The following FER variants were observed in gnomAD, a reference collection of about 807,000 sequenced individuals.
FER encodes FER tyrosine kinase.
Under a neutral mutation model 111.0 loss-of-function variants are expected in FER, and 63 were observed. The ratio of observed to expected loss-of-function variants is 0.57; its 90% CI spans 0.46 to 0.70. FER has a LOEUF of 0.70. Ranked by LOEUF, FER falls within the 30% of genes least tolerant of loss-of-function variation. FER has a pLI of 0.00. For synonymous variants in FER, 327 were observed against 313.9 expected, an observed-to-expected ratio of 1.04 and a Z score of -0.44; for missense variants, 914 against 954.0, an observed-to-expected ratio of 0.96 and a Z score of 0.55.
chr5:108,931,067 C>T (rs908779852), intron 10 of FER, among the ~76,000 whole-genome samples: 8 of 152,100 alleles, frequency 5.3e-5, no homozygotes, highest in African/African-American at 1.9e-4. Flanking sequence ...AGTTATTTAA[C>T]CACTCTAGGC....
intron 8 of FER, among the ~76,000 whole-genome samples, chr5:108,880,085 C>T (rs886814146): frequency 6.6e-6 from 1 of 152,018 alleles, no homozygotes; most frequent in South Asian, 2.1e-4. Context: ...ATGTAAGTTT[C>T]CTGAAGGCAA....
chr5:109,115,109 A>C (rs907948320), intron 17 of FER, among the ~76,000 whole-genome samples: 5 of 152,124 alleles, frequency 3.3e-5, no homozygotes, highest in African/African-American at 1.2e-4. Flanking sequence ...TTATAAAAGT[A>C]ATTATTTTAT....
chr5:109,005,678 G>T (rs911306224), intron 13 of FER, among the ~76,000 whole-genome samples: 2 of 152,210 alleles, frequency 1.3e-5, no homozygotes, highest in Admixed American at 1.3e-4. Context: ...GGTAACACTT[G>T]TTTTAGATAC....
chr5:108,750,050 G>A (rs1238077206), intron 1 of FER, among the ~76,000 whole-genome samples: 1 of 152,090 alleles, frequency 6.6e-6, no homozygotes, highest in Non-Finnish European at 1.5e-5. Context: ...CAGAAGTTGC[G>A]TATATTAATG....
At chr5:109,064,136 A>G (rs1774793545) in intron 16 of FER, among the ~76,000 whole-genome samples, 1 of 152,208 alleles carries the variant, frequency 6.6e-6, no homozygotes, top group Non-Finnish European at 1.5e-5. Flanking sequence ...CCCAAAGCAA[A>G]TACAGATGGA....
Position 108,754,225 on chromosome 5 carries a change from A to G in FER, c.-206+6225A>G, listed in dbSNP as rs77673818. 8.5e-4 allele frequency among the ~76,000 whole-genome samples: 129 copies of G among 152,160 alleles called. 2 individuals carry two copies. The East Asian group carries it at 0.021, about 25-fold the overall frequency. On this transcript the variant is annotated intron_variant, in intron 1 of 19. Coordinates refer to ENST00000281092, the MANE Select transcript of FER (RefSeq NM_005246.4). ...TAGAAGTTTGAGAGCAGCCTGGGTAACATAACGAGACGGCACTCTACAAAA... is the reference window on the plus strand; with the variant it reads ...TAGAAGTTTGAGAGCAGCCTGGGTAGCATAACGAGACGGCACTCTACAAAA...
chr5:108,881,261 A>C (rs142361653), intron 8 of FER, among the ~76,000 whole-genome samples: 1 of 152,310 alleles, frequency 6.6e-6, no homozygotes, highest in African/African-American at 2.4e-5. Flanking sequence ...ATGGACTTAC[A>C]GTTCCCCATA....
At chr5:108,977,849 T>C (rs72789339) in intron 13 of FER, among the ~76,000 whole-genome samples, 28,017 of 152,024 alleles carry the variant, frequency 0.18, 2,755 homozygotes, top group Non-Finnish European at 0.22. Flanking sequence ...TGTTTCTCTC[T>C]TCTCTCTCTT....
At chr5:109,133,012 A>G (rs1437307719) in intron 17 of FER, among the ~76,000 whole-genome samples, 1 of 152,174 alleles carries the variant, frequency 6.6e-6, no homozygotes, top group African/African-American at 2.4e-5. Context: ...TAGTTTCCAA[A>G]ATGATTCCTA....
At chr5:108,955,419 CTCT>C (rs1157296438) in intron 12 of FER, among the ~76,000 whole-genome samples, 1 of 151,482 alleles carries the variant, frequency 6.6e-6, no homozygotes, top group African/African-American at 2.4e-5. Context: ...TATAGATAAG[CTCT>C]TGTTTATTGG....
intron 5 of FER, among the ~76,000 whole-genome samples, chr5:108,859,587 G>T (rs1345203254): frequency 6.6e-6 from 1 of 152,070 alleles, no homozygotes; most frequent in East Asian, 1.9e-4. Flanking sequence ...GAATTATGCT[G>T]CTGCCATATC....
intron 13 of FER, among the ~76,000 whole-genome samples, chr5:109,018,951 A>G: frequency 6.6e-6 from 1 of 151,548 alleles, no homozygotes; most frequent in East Asian, 1.9e-4. Flanking sequence ...TTGAGAATTC[A>G]CTTAGGTAAC....
chr5:108,893,904 T>G (rs1380711542), intron 9 of FER, among the ~76,000 whole-genome samples: 1 of 151,984 alleles, frequency 6.6e-6, no homozygotes, highest in Non-Finnish European at 1.5e-5. Context: ...GGGGGCTGTA[T>G]TAGTCTGTTT....
intron 12 of FER, among the ~76,000 whole-genome samples, chr5:108,955,879 A>G (rs1166153717): frequency 1.3e-5 from 2 of 151,792 alleles, no homozygotes; most frequent in Non-Finnish European, 3.0e-5. Flanking sequence ...ATATATATAA[A>G]ACGTATCTTT....
intron 5 of FER, among the ~76,000 whole-genome samples, chr5:108,863,005 T>G (rs182057926): frequency 7.5e-4 from 114 of 152,336 alleles, no homozygotes; most frequent in African/African-American, 2.6e-3. Flanking sequence ...CCTTAGATCT[T>G]GGATGTCAGC....
chr5:108,758,822 G>C (rs1008666611), intron 1 of FER, among the ~76,000 whole-genome samples: 1 of 152,204 alleles, frequency 6.6e-6, no homozygotes, highest in African/African-American at 2.4e-5. Flanking sequence ...TGTGACCCTG[G>C]AAGGAGGGAG....
chr5:108,859,324 C>T (rs1763290475), intron 5 of FER, among the ~76,000 whole-genome samples: 2 of 152,070 alleles, frequency 1.3e-5, no homozygotes, highest in African/African-American at 4.8e-5. Flanking sequence ...AAGCATTCTG[C>T]TGTTTCTTCT....
At chr5:109,005,947 A>T (rs1429458756) in intron 13 of FER, among the ~76,000 whole-genome samples, 6 of 152,228 alleles carry the variant, frequency 3.9e-5, no homozygotes, top group African/African-American at 1.4e-4. Flanking sequence ...CTTTTAGAAC[A>T]ATTAATTGAA....
At chr5:108,774,567 T>G (rs1753279819) in intron 2 of FER, among the ~76,000 whole-genome samples, 1 of 152,208 alleles carries the variant, frequency 6.6e-6, no homozygotes, top group Admixed American at 6.5e-5. Context: ...CAGCATCTAT[T>G]TTTTCTTGAC....
Sources: allele counts gnomAD v4.1 joint callset (sites outside exome capture counted in the v4.1 genomes callset), GRCh38; gene constraint gnomAD v4.1.1; transcripts MANE v1.5; gene names NCBI Gene and HGNC (gene_info 2026-07-23, HGNC 2026-07-21).